Variants in N4BP1 observed in about 807,000 individuals in gnomAD.
N4BP1 encodes NEDD4 binding protein 1.
A neutral mutation model predicts 70.9 loss-of-function variants in N4BP1; 21 were observed. That is an observed-to-expected ratio of 0.30 (90% CI 0.21 to 0.43). The LOEUF (loss-of-function observed/expected upper bound fraction) is 0.43, where lower values mean the gene tolerates loss of function less well. N4BP1 is among the 20% of genes least tolerant of loss of function. The pLI is 1.00. For missense variants in N4BP1, 936 were observed against 1,069.4 expected, an observed-to-expected ratio of 0.88 and a Z score of 1.74; for synonymous variants, 387 against 394.6, an observed-to-expected ratio of 0.98 and a Z score of 0.23.
Position 48,560,828 on chromosome 16 carries a change from C to T in N4BP1, c.1815G>A (p.Lys605=). 3 of 1,613,814 alleles carry T rather than the reference C, an allele frequency of 1.9e-6. No homozygotes were observed. The highest frequency in any genetic ancestry group is 2.5e-6 in the Non-Finnish European group (3 of 1,179,822). Residue 605 remains lysine, a synonymous_variant, in exon 2 of 7, where the codon AAG becomes AAA. Coordinates refer to ENST00000262384, the MANE Select transcript of N4BP1 (RefSeq NM_153029.4). The part of the protein sequence containing the change: ...RFRDTLKIPY[K]LELKNEPGRT... Reference sequence around the variant, plus strand: ...TCCCTGGTTCATTTTTTAATTCCAGCTTGTAGGGTATTTTTAGAGTATCTC... The same window carrying T: ...TCCCTGGTTCATTTTTTAATTCCAGTTTGTAGGGTATTTTTAGAGTATCTC...
chr16:48,590,287 C>T (rs1165441676), intron 1 of N4BP1, among the ~76,000 whole-genome samples: 8 of 152,144 alleles, frequency 5.3e-5, no homozygotes, highest in African/African-American at 1.7e-4. Context: ...ATCAGCACTC[C>T]CCACTTCCCA....
chr16:48,594,005 AAAAAAAAAAAAAAC>A (rs1372661872), intron 1 of N4BP1, among the ~76,000 whole-genome samples: 3 of 150,256 alleles, frequency 2.0e-5, no homozygotes, highest in African/African-American at 4.9e-5. Flanking sequence ...CCGTCTCAAA[AAAAAAAAAAAAAAC>A]AAAAAAAAAA....
rs754554439 is a variant in N4BP1 at position 48,562,376 on chromosome 16, G to A, written c.267C>T (p.Cys89=). 1 of 1,613,776 alleles carries A rather than the reference G, an allele frequency of 6.2e-7. No homozygotes were observed. Among genetic ancestry groups the A allele is most frequent in the Admixed American group, 1.7e-5 (1 of 59,990 alleles). The part of the protein sequence containing the change: ...ERECYPKDMH[C]IFVGAESLFL... ...ACAGGCTCTCTGCCCCAACAAAAAT[G>A]CAGTGCATGTCCTTGGGGTAACATT... Residue 89 remains cysteine (C), a synonymous_variant, in exon 2 of 7, where the codon TGC becomes TGT. Transcript: ENST00000262384.
At chr16:48,582,601 A>T (rs1214193647) in intron 1 of N4BP1, among the ~76,000 whole-genome samples, 1 of 152,172 alleles carries the variant, frequency 6.6e-6, no homozygotes, top group East Asian at 1.9e-4. Flanking sequence ...ATTAGAGTAT[A>T]CTGTTATAAT....
At chr16:48,556,313 C>T (rs148949477) in intron 2 of N4BP1, among the ~76,000 whole-genome samples, 614 of 152,202 alleles carry the variant, frequency 4.0e-3, no homozygotes, top group African/African-American at 0.014. Flanking sequence ...TACAGAGGGT[C>T]GATTAAGGAC....
chr16:48,560,423 G>A (rs550124015), intron 2 of N4BP1: 1 of 198,398 alleles, frequency 5.0e-6, no homozygotes, highest in Admixed American at 5.5e-5. Context: ...ATTTAGATTA[G>A]AACATAATGG....
chr16:48,552,190 G>A lies in N4BP1; in HGVS notation c.2021-708C>T, dbSNP rs147420263. The stretch of plus-strand genomic sequence containing the variant: ...AGTCTGTTGAAGCCTCCTCCTACTG[G>A]CCTCCTATCTAAATTCTCAAAGGTG... On this transcript the variant is annotated intron_variant, in intron 3 of 6. Transcript: ENST00000262384. Among the ~76,000 whole-genome samples the A allele has an allele frequency of 5.9e-5, 9 of 152,230 alleles. No individual in the cohort carries two copies. The East Asian group carries it at 1.7e-3, about 29-fold the overall frequency.
chr16:48,581,818 G>C (rs999265866), intron 1 of N4BP1, among the ~76,000 whole-genome samples: 2 of 151,990 alleles, frequency 1.3e-5, no homozygotes, highest in South Asian at 2.1e-4. Flanking sequence ...ATGGATTAAA[G>C]ACTTAAAGGT....
chr16:48,604,984 T>C (rs1964557015), intron 1 of N4BP1, among the ~76,000 whole-genome samples: 1 of 151,354 alleles, frequency 6.6e-6, no homozygotes, highest in African/African-American at 2.4e-5. Context: ...CCCTGCCTGG[T>C]CCCAGGAAGC....
chr16:48,571,883 C>A (rs1964025210), intron 1 of N4BP1, among the ~76,000 whole-genome samples: 1 of 152,058 alleles, frequency 6.6e-6, no homozygotes, highest in Non-Finnish European at 1.5e-5. Flanking sequence ...ACAGAAGTAA[C>A]ATAAAATCAT....
chr16:48,568,379 T>A (rs1256196610), intron 1 of N4BP1, among the ~76,000 whole-genome samples: 1 of 152,186 alleles, frequency 6.6e-6, no homozygotes, highest in Non-Finnish European at 1.5e-5. Context: ...TGAAACCCCA[T>A]CAGACAACAT....
intron 1 of N4BP1, among the ~76,000 whole-genome samples, chr16:48,595,456 C>CAAAAA (rs373163833): frequency 0.081 from 4,646 of 57,224 alleles, 458 homozygotes; most frequent in Non-Finnish European, 0.11. Context: ...GACTCTGTCT[C>CAAAAA]AAAAAAAAAA....
intron 1 of N4BP1, among the ~76,000 whole-genome samples, chr16:48,609,564 A>G (rs1256605618): frequency 1.3e-5 from 2 of 152,190 alleles, no homozygotes; most frequent in African/African-American, 2.4e-5. Flanking sequence ...CGTCAGCGCC[A>G]CTTTACAAAT....
chr16:48,565,049 G>GT (rs1963919646), intron 1 of N4BP1, among the ~76,000 whole-genome samples: 1 of 152,128 alleles, frequency 6.6e-6, no homozygotes, highest in Admixed American at 6.6e-5. Context: ...TATTCCTATT[G>GT]AAAGTTCAAG....
intron 1 of N4BP1, chr16:48,587,298 A>G (rs1964259559): frequency 6.6e-6 from 1 of 152,206 alleles, no homozygotes. Flanking sequence ...GACTACACCA[A>G]AGGATTCAGT....
chr16:48,543,909 G>A lies in N4BP1; in HGVS notation c.2334-648C>T, dbSNP rs902136392. ...GGAAGTGATTCCCAACTTCTTAACCGATTTCTGAGCCGCTCCACAAAGAGC... is the reference window on the plus strand; with the variant it reads ...GGAAGTGATTCCCAACTTCTTAACCAATTTCTGAGCCGCTCCACAAAGAGC... On this transcript the variant is annotated intron_variant, in intron 6 of 6. Transcript: ENST00000262384. Among the ~76,000 whole-genome samples, 14 of 152,258 alleles carry A rather than the reference G, an allele frequency of 9.2e-5. No individual in the cohort carries two copies. The South Asian group carries it at 1.2e-3, about 14-fold the overall frequency.
chr16:48,597,060 C>T (rs1964425225), intron 1 of N4BP1, among the ~76,000 whole-genome samples: 1 of 152,170 alleles, frequency 6.6e-6, no homozygotes, highest in African/African-American at 2.4e-5. Flanking sequence ...TCCAACCTGA[C>T]CAATCAGCAC....
intron 2 of N4BP1, among the ~76,000 whole-genome samples, chr16:48,556,422 T>C (rs575429927): frequency 7.9e-5 from 12 of 152,332 alleles, no homozygotes; most frequent in African/African-American, 2.6e-4. Flanking sequence ...AGTAGCATGT[T>C]GACAGGTAAA....
At chr16:48,568,200 A>C (rs548152293) in intron 1 of N4BP1, among the ~76,000 whole-genome samples, 1 of 152,226 alleles carries the variant, frequency 6.6e-6, no homozygotes, top group Non-Finnish European at 1.5e-5. Context: ...AGCAAATGTA[A>C]GTAGTAAATT....
Sources: allele counts gnomAD v4.1 joint callset (sites outside exome capture counted in the v4.1 genomes callset), GRCh38; gene constraint gnomAD v4.1.1; transcripts MANE v1.5; gene names NCBI Gene and HGNC (gene_info 2026-07-23, HGNC 2026-07-21).